TINAGL1: variants seen among roughly 807,000 people sequenced by gnomAD.
The protein encoded by TINAGL1 is tubulointerstitial nephritis antigen-like.
A neutral mutation model predicts 62.0 loss-of-function variants in TINAGL1; 34 were observed. That is an observed-to-expected ratio of 0.55 (90% CI 0.42 to 0.73). The LOEUF is 0.73. TINAGL1 is among the 30% of genes least tolerant of loss of function. The pLI is 0.00. For synonymous variants in TINAGL1, 221 were observed against 249.7 expected, an observed-to-expected ratio of 0.88 and a Z score of 1.08; for missense variants, 516 against 653.2, an observed-to-expected ratio of 0.79 and a Z score of 2.29.
At chr1:31,578,657 GGTGT>G (rs10577315) in intron 2 of TINAGL1, among the ~76,000 whole-genome samples, 3,752 of 77,650 alleles carry the variant, frequency 0.048, 158 homozygotes, top group East Asian at 0.16. Context: ...AGTGAGAGCT[GGTGT>G]GTGTGTGTGT....
chr1:31,580,324 C>T, intron 3 of TINAGL1: 1 of 1,272,018 alleles, frequency 7.9e-7, no homozygotes, highest in Non-Finnish European at 1.0e-6. Context: ...TACCACCGGC[C>T]CTGCCTGGAC....
intron 10 of TINAGL1, 140 bp from the exon 11 acceptor site, chr1:31,586,570 T>C: frequency 2.2e-6 from 2 of 925,008 alleles, no homozygotes; most frequent in East Asian, 5.3e-5. Flanking sequence ...TGCAGAGAGG[T>C]ACAGAGACCT....
At position 31,584,540 on chromosome 1, in the gene TINAGL1, T is replaced by C. The variant is rs918202480; in HGVS notation, c.583-138T>C. The C allele has an allele frequency of 7.2e-7, 1 of 1,387,060 alleles. No homozygotes were observed. Among genetic ancestry groups the C allele is most frequent in the Non-Finnish European group, 9.9e-7 (1 of 1,010,172 alleles). The allele number at this position is 1,387,060 out of a possible 1,614,324, so 85.9% of individuals were successfully genotyped here. The stretch of plus-strand genomic sequence containing the variant: ...AACACAAGTCAAAATTGGAGGCAGC[T>C]GGAATCCTGCAGCAGCAGGAGGGCT... On this transcript the variant is annotated intron_variant, in intron 5 of 11. Transcript: ENST00000271064. This position sits in a 1 kb window ranked among gnomAD's most constrained non-coding sequence, Gnocchi z 4.0.
At position 31,583,111 on chromosome 1, in the gene TINAGL1, C is replaced by A. The variant is rs1272604083; in HGVS notation, c.375-38C>A. 2 of 1,588,378 alleles carry A rather than the reference C, an allele frequency of 1.3e-6. No homozygotes were observed. The highest frequency in any genetic ancestry group is 2.2e-5 in the East Asian group (1 of 44,784). The stretch of plus-strand genomic sequence containing the variant: ...CACATTCCTTCAAAGTATCCCCAGT[C>A]CCCCACTTACCCTTTCCTTCTCTCC... On this transcript the variant is annotated intron_variant, in intron 3 of 11. Coordinates refer to ENST00000271064, the MANE Select transcript of TINAGL1 (RefSeq NM_022164.3). This position sits in a 1 kb window ranked among gnomAD's most constrained non-coding sequence, Gnocchi z 4.4.
In TINAGL1 at chr1:31,577,309, G is replaced by T; in HGVS notation, c.161G>T (p.Cys54Phe). Residue 54 changes from cysteine (C) to phenylalanine (F), a missense_variant, in exon 2 of 12, where the codon TGC becomes TTC. Transcript: ENST00000271064. This position sits in a 1 kb window ranked among gnomAD's most constrained non-coding sequence, Gnocchi z 5.4. ...CGGTACTGCCAGGAGCAGGACCTGT[G>T]CTGCCGCGGCCGTGCCGACGACTGT... ...GGRYCQEQDL[C>F]CRGRADDCAL... 1 of 1,613,616 alleles carries T rather than the reference G, an allele frequency of 6.2e-7. No individual in the cohort carries two copies.
At position 31,585,075 on chromosome 1, in the gene TINAGL1, A is replaced by G. The variant is rs1248223184; in HGVS notation, c.857+39A>G. ...GGGGATGTGGGCAGAGAAGAGGGCAAGGAGCTCCGTGGGCATGGCCTGGGC... is the reference window on the plus strand; with the variant it reads ...GGGGATGTGGGCAGAGAAGAGGGCAGGGAGCTCCGTGGGCATGGCCTGGGC... On this transcript the variant is annotated intron_variant, in intron 7 of 11. Coordinates refer to ENST00000271064, the MANE Select transcript of TINAGL1 (RefSeq NM_022164.3). The surrounding 1 kb of genome is among the most constrained non-coding windows in gnomAD (Gnocchi z 4.3). 6.4e-7 allele frequency: 1 copy of G among 1,573,142 alleles called. No homozygotes were observed. The highest frequency in any genetic ancestry group is 8.7e-7 in the Non-Finnish European group (1 of 1,155,400).
At position 31,577,491 on chromosome 1, in the gene TINAGL1, C is replaced by T. The variant is rs1451557060; in HGVS notation, c.310+33C>T. Reference sequence around the variant, plus strand: ...CTAAGATGGCCAGGAGGGTGGGTCACTTTGTCCACCTCAGACTCAGCAAGG... The same window carrying T: ...CTAAGATGGCCAGGAGGGTGGGTCATTTTGTCCACCTCAGACTCAGCAAGG... On this transcript the variant is annotated intron_variant, in intron 2 of 11. Coordinates refer to ENST00000271064, the MANE Select transcript of TINAGL1 (RefSeq NM_022164.3). This position sits in a 1 kb window ranked among gnomAD's most constrained non-coding sequence, Gnocchi z 5.4. The T allele has an allele frequency of 1.9e-6, 3 of 1,576,466 alleles. No individual in the cohort carries two copies. The highest frequency in any genetic ancestry group is 1.7e-5 in the Admixed American group (1 of 57,304).
In TINAGL1 at chr1:31,584,079, G is replaced by A. The variant is rs1292830959; in HGVS notation, c.582+504G>A. ...AGGGTGAGGAAGGGGAGCTTCAGCA[G>A]GCCTGGACCGGGACATGTGCCGGAG... On this transcript the variant is annotated intron_variant, in intron 5 of 11. Coordinates refer to ENST00000271064, the MANE Select transcript of TINAGL1 (RefSeq NM_022164.3). This position sits in a 1 kb window ranked among gnomAD's most constrained non-coding sequence, Gnocchi z 4.0. The A allele has an allele frequency of 1.2e-5, 2 of 169,864 alleles. No homozygotes were observed. Among genetic ancestry groups the A allele is most frequent in the Admixed American group, 5.5e-5 (1 of 18,228 alleles). 10.5% of individuals were successfully genotyped at this position (169,864 alleles called of 1,614,324 possible).
rs937483688 is a variant in TINAGL1 at position 31,587,322 on chromosome 1, C to CT, written c.*359dup. 0.032 allele frequency: 4,843 copies of CT among 150,612 alleles called. 108 individuals are homozygous for CT. The highest frequency in any genetic ancestry group is 0.14 in the East Asian group (775 of 5,550). The allele number at this position is 150,612 out of a possible 1,614,324, so 9.3% of individuals were successfully genotyped here. On this transcript the variant is annotated 3_prime_UTR_variant, in exon 12 of 12. Transcript: ENST00000271064. ...CACTACCCCACCCCACTCCTGTATTCTTTTTTTTTTTTTTTTAGACAGGGT... is the reference window on the plus strand; with the variant it reads ...CACTACCCCACCCCACTCCTGTATTCTTTTTTTTTTTTTTTTTAGACAGGGT...
Position 31,585,114 on chromosome 1 carries a change from G to C in TINAGL1, c.858-37G>C, listed in dbSNP as rs747567013. On this transcript the variant is annotated intron_variant, in intron 7 of 11. Coordinates refer to ENST00000271064, the MANE Select transcript of TINAGL1 (RefSeq NM_022164.3). The surrounding 1 kb of genome is among the most constrained non-coding windows in gnomAD (Gnocchi z 4.3). ...CATGGCCTGGGCCATGATGCACTGAGTCTTTCTGCCTTTGCTCCCTCTTGC... is the reference window on the plus strand; with the variant it reads ...CATGGCCTGGGCCATGATGCACTGACTCTTTCTGCCTTTGCTCCCTCTTGC... 1 of 1,564,724 alleles carries C rather than the reference G, an allele frequency of 6.4e-7. No individual in the cohort carries two copies. The highest frequency in any genetic ancestry group is 8.7e-7 in the Non-Finnish European group (1 of 1,151,586).
chr1:31,577,465 A>C lies in TINAGL1; in HGVS notation c.310+7A>C. On this transcript the variant is annotated splice_region_variant and intron_variant, in intron 2 of 11. Coordinates refer to ENST00000271064, the MANE Select transcript of TINAGL1 (RefSeq NM_022164.3). This position sits in a 1 kb window ranked among gnomAD's most constrained non-coding sequence, Gnocchi z 5.4. ...CCTTTTCCCCCGATCCAAGGTGGGC[A>C]CTAAGATGGCCAGGAGGGTGGGTCA... The C allele has an allele frequency of 6.2e-7, 1 of 1,601,828 alleles. No individual in the cohort carries two copies. The highest frequency in any genetic ancestry group is 8.5e-7 in the Non-Finnish European group (1 of 1,173,136).
rs1639399168 is a variant in TINAGL1, at chr1:31,586,667, A to G, written c.1218-43A>G. ...TTCCGGGATTGGAGCTCCTGAGAGCAGGTAGACCCAGCTCCCTTCCCCCTC... is the reference window on the plus strand; with the variant it reads ...TTCCGGGATTGGAGCTCCTGAGAGCGGGTAGACCCAGCTCCCTTCCCCCTC... On this transcript the variant is annotated intron_variant, in intron 10 of 11. Transcript: ENST00000271064. The G allele has an allele frequency of 3.9e-6, 6 of 1,553,850 alleles. No homozygotes were observed. The East Asian group carries it at 1.2e-4, about 31-fold the overall frequency.
chr1:31,580,929 A>G (rs1158760169), intron 3 of TINAGL1: 2 of 390,674 alleles, frequency 5.1e-6, no homozygotes, highest in African/African-American at 2.2e-5. Flanking sequence ...TATTCTGACA[A>G]GCTGCCCAGT....
At chr1:31,586,592 A>G in intron 10 of TINAGL1, 118 bp from the exon 11 acceptor site, 1 of 1,167,168 alleles carries the variant, frequency 8.6e-7, no homozygotes. Flanking sequence ...CCTGAGCCCT[A>G]AGGGTGTACC....
chr1:31,585,497 T>TA lies in TINAGL1; in HGVS notation c.1093+13dup. ...TGGCCCTGTCCAAGGTAAACCCCCT[T>TA]ATCCAGCACCCTGGTTCCAGAAGCT... On this transcript the variant is annotated intron_variant, in intron 9 of 11. Coordinates refer to ENST00000271064, the MANE Select transcript of TINAGL1 (RefSeq NM_022164.3). This position sits in a 1 kb window ranked among gnomAD's most constrained non-coding sequence, Gnocchi z 4.3. 1 of 1,614,046 alleles carries TA rather than the reference T, an allele frequency of 6.2e-7. No individual in the cohort carries two copies.
In TINAGL1 at chr1:31,577,261, G is replaced by C; in HGVS notation, c.113G>C (p.Arg38Pro). 1 of 1,611,216 alleles carries C rather than the reference G, an allele frequency of 6.2e-7. No homozygotes were observed. The highest frequency in any genetic ancestry group is 8.5e-7 in the Non-Finnish European group (1 of 1,179,314). ...GAGCTAGCACCGGGTCTGCACCTGC[G>C]GGGCATCCGGGACGCGGGAGGCCGG... ...RRELAPGLHL[R>P]GIRDAGGRYC... The change falls in exon 2 of 12, where the codon CGG (arginine) becomes CCG (proline). Residue 38 changes from arginine (R) to proline (P), a missense_variant. Arg to Pro is a moderately radical substitution (Grantham distance 103, BLOSUM62 -2). Transcript: ENST00000271064. This position sits in a 1 kb window ranked among gnomAD's most constrained non-coding sequence, Gnocchi z 5.4.
At chr1:31,580,560 C>T (rs756666430) in intron 3 of TINAGL1, 30 of 1,289,166 alleles carry the variant, frequency 2.3e-5, no homozygotes, top group African/African-American at 1.5e-4. Context: ...AAAGCCTTCC[C>T]GGCCCTGCAG....
rs369449628 is a variant in TINAGL1 at position 31,585,301 on chromosome 1, C to T, written c.1008C>T (p.Asp336=). 3.1e-6 allele frequency: 5 copies of T among 1,610,958 alleles called. No individual in the cohort carries two copies. In the South Asian group the frequency reaches 3.3e-5, roughly 11 times the overall value. Residue 336 remains aspartate, a synonymous_variant, in exon 8 of 12, where the codon GAC becomes GAT. Coordinates refer to ENST00000271064, the MANE Select transcript of TINAGL1 (RefSeq NM_022164.3). This position sits in a 1 kb window ranked among gnomAD's most constrained non-coding sequence, Gnocchi z 4.3. ...HCPNSYVNNN[D]IYQVTPVYRL... ...CCAACAGCTATGTTAATAACAATGA[C>T]ATCTACCAGGTCACTCCTGTCTACC...
chr1:31,586,623 G>A (rs1639397810), intron 10 of TINAGL1, 87 bp from the exon 11 acceptor site: 1 of 1,505,370 alleles, frequency 6.6e-7, no homozygotes, highest in Non-Finnish European at 9.1e-7. Flanking sequence ...AAGGCAACTG[G>A]GGGCTGGATG....
Sources: allele counts gnomAD v4.1 joint callset (sites outside exome capture counted in the v4.1 genomes callset), GRCh38; gene constraint gnomAD v4.1.1; non-coding constraint Gnocchi (gnomAD v3.1); transcripts MANE v1.5; gene names NCBI Gene and HGNC (gene_info 2026-07-23, HGNC 2026-07-21).